Variants in MYH11 observed in about 807,000 individuals in gnomAD.
The protein encoded by MYH11 is myosin heavy chain 11.
MYH11 carries 80 observed loss-of-function variants against 246.6 expected under a neutral mutation model. That is an observed-to-expected ratio of 0.32 (90% CI 0.27 to 0.39). The LOEUF is 0.39. MYH11 is among the 10% of genes least tolerant of loss of function. The probability of loss-of-function intolerance (pLI) is 1.00; values close to 1 mark genes in which losing one functional copy is unlikely to be tolerated. For synonymous variants in MYH11, 1,071 were observed against 1,015.5 expected, an observed-to-expected ratio of 1.05 and a Z score of -1.04; for missense variants, 2,158 against 2,546.8, an observed-to-expected ratio of 0.85 and a Z score of 3.29.
chr16:15,757,706 T>A, intron 13 of MYH11, 121 bp downstream of exon 13: 1 of 1,250,398 alleles, frequency 8.0e-7, no homozygotes, highest in Non-Finnish European at 1.1e-6. Context: ...CAGGACTGGG[T>A]GATGGATTGG....
At chr16:15,721,779 T>C in intron 31 of MYH11, 145 bp from the exon 32 acceptor site, 1 of 783,498 alleles carries the variant, frequency 1.3e-6, no homozygotes, top group Non-Finnish European at 2.1e-6. Context: ...GAGTAATTTA[T>C]ATAATCATCT....
Position 15,751,648 on chromosome 16 carries a change from CTG to C in MYH11, c.1865-1319_1865-1318del, listed in dbSNP as rs528274203. Among the ~76,000 whole-genome samples, 213 of 139,374 alleles carry C rather than the reference CTG, an allele frequency of 1.5e-3. 2 individuals are homozygous for C. The highest frequency in any genetic ancestry group is 5.7e-3 in the African/African-American group (208 of 36,574). The allele number at this position is 139,374 out of a possible 152,430, so 91.4% of individuals were successfully genotyped here. On this transcript the variant is annotated intron_variant, in intron 15 of 40. Coordinates refer to ENST00000300036, the MANE Select transcript of MYH11 (RefSeq NM_002474.3). ...TTTTTTTTTGAGACAAGCTCTCACT[CTG>C]TCGCCCAGCTGGAGAGCAGTGGCAC...
In MYH11 at chr16:15,788,095, T is replaced by TTTTTTTTTTTA. The variant is rs11273419; in HGVS notation, c.531-1364_531-1363insTAAAAAAAAAA. On this transcript the variant is annotated intron_variant, in intron 4 of 40. Coordinates refer to ENST00000300036, the MANE Select transcript of MYH11 (RefSeq NM_002474.3). ...GGTAGATCTTTTTTTTTTTTTTTTT[T>TTTTTTTTTTTA]ACCAAGATGGCTTTCGTGCACTAGC... Among the ~76,000 whole-genome samples, 46 of 99,494 alleles carry TTTTTTTTTTTA rather than the reference T, an allele frequency of 4.6e-4. 5 individuals carry two copies. Among genetic ancestry groups the TTTTTTTTTTTA allele is most frequent in the South Asian group, 1.3e-3 (3 of 2,354 alleles). The allele number at this position is 99,494 out of a possible 152,430, so 65.3% of individuals were successfully genotyped here.
At chr16:15,785,442 G>A (rs1477031671) in intron 5 of MYH11, 1 of 151,928 alleles carries the variant, frequency 6.6e-6, no homozygotes, top group East Asian at 1.9e-4. Flanking sequence ...AAACCAACTT[G>A]CCAGAGACAA....
chr16:15,802,460 A>G (rs1416028296), intron 3 of MYH11, among the ~76,000 whole-genome samples: 1 of 152,166 alleles, frequency 6.6e-6, no homozygotes, highest in African/African-American at 2.4e-5. Flanking sequence ...TGACTAACCA[A>G]TTGATTGAGA....
chr16:15,727,816 T>C (rs2040840682), intron 27 of MYH11, among the ~76,000 whole-genome samples: 1 of 151,942 alleles, frequency 6.6e-6, no homozygotes, highest in Non-Finnish European at 1.5e-5. Flanking sequence ...TCTACTAAAA[T>C]AAAACATTAG....
intron 1 of MYH11, among the ~76,000 whole-genome samples, chr16:15,852,107 C>G (rs1442784541): frequency 6.6e-6 from 1 of 152,120 alleles, no homozygotes; most frequent in Non-Finnish European, 1.5e-5. Context: ...ATTAGATTTT[C>G]ACAGAAGCAC....
At chr16:15,742,530 A>T (rs1345235447) in intron 20 of MYH11, among the ~76,000 whole-genome samples, 3 of 152,036 alleles carry the variant, frequency 2.0e-5, no homozygotes, top group African/African-American at 7.2e-5. Flanking sequence ...TGAGCCCAGG[A>T]GTTTGGGACC....
chr16:15,763,853 T>G lies in MYH11; in HGVS notation c.1072A>C (p.Asn358His), dbSNP rs1286077239. 14 of 1,611,708 alleles carry G rather than the reference T, an allele frequency of 8.7e-6. No homozygotes were observed. The highest frequency in any genetic ancestry group is 1.2e-5 in the Non-Finnish European group (14 of 1,178,828). ...KVVSSVLQLG[N>H]IVFKKERNTD... The stretch of plus-strand genomic sequence containing the variant: ...TTTCTTTCCTTCTTGAAGACGATAT[T>G]TCCAAGCTGCAGGACCGATGATACC... Residue 358 changes from asparagine (N) to histidine (H), a missense_variant, in exon 10 of 41, where the codon AAT (asparagine) becomes CAT (histidine). Physicochemically the swap from Asn to His is moderately conservative, Grantham distance 68. Around this residue, in one of 11 missense-constraint regions of MYH11, gnomAD observed 75 missense variants for 70.0 expected, o/e 1.07. Coordinates refer to ENST00000300036, the MANE Select transcript of MYH11 (RefSeq NM_002474.3).
At chr16:15,812,140 G>A (rs780064746) in intron 3 of MYH11, among the ~76,000 whole-genome samples, 4 of 152,132 alleles carry the variant, frequency 2.6e-5, no homozygotes, top group Admixed American at 1.3e-4. Flanking sequence ...GTGGTTGCCC[G>A]GTGTCACCGA....
In MYH11 at chr16:15,718,412, C is replaced by T. The variant is rs1326687858; in HGVS notation, c.5198G>A (p.Arg1733His). ...CAGCTGGGCGATCCGGGCCTCCAGG[C>T]GGCGCTTCTCGTCCTGGAGTGCGTT... Reference protein sequence around the residue: ...GRNALQDEKRRLEARIAQLEE... With the variant: ...GRNALQDEKRHLEARIAQLEE... Residue 1733 changes from arginine (R) to histidine (H), a missense_variant, in exon 37 of 41, where the codon CGC becomes CAC. By Grantham distance (29) the Arg-to-His change is conservative. Transcript: ENST00000300036. 2 of 1,584,322 alleles carry T rather than the reference C, an allele frequency of 1.3e-6. No homozygotes were observed. Among genetic ancestry groups the T allele is most frequent in the East Asian group, 2.3e-5 (1 of 44,238 alleles).
chr16:15,735,443 G>T lies in MYH11; in HGVS notation c.3429C>A (p.Asp1143Glu), dbSNP rs1466172600. The change falls in exon 26 of 41, where the codon GAC (aspartate) becomes GAA (glutamate). Residue 1143 changes from aspartate to glutamate, a missense_variant. This residue lies in a region of MYH11 where 284 missense variants were observed against 315.4 expected (regional missense o/e 0.90). Transcript: ENST00000300036. ...TTAGGGCCTCCAGCTCCTCGCCGAG[G>T]TCTCGCTTCTGCTTTTCAGCCTTGT... ...ARNKAEKQKR[D>E]LGEELEALKT... 1.9e-6 allele frequency: 3 copies of T among 1,614,094 alleles called. No homozygotes were observed. Among genetic ancestry groups the T allele is most frequent in the Non-Finnish European group, 2.5e-6 (3 of 1,180,022 alleles).
At chr16:15,786,102 C>T (rs114615807) in intron 5 of MYH11, 3,976 of 280,294 alleles carry the variant, frequency 0.014, 180 homozygotes, top group African/African-American at 0.083. Flanking sequence ...CCAAAAGGTA[C>T]CTTAACCCCT....
chr16:15,725,870 G>A (rs2040727863), intron 28 of MYH11: 1 of 394,100 alleles, frequency 2.5e-6, no homozygotes. Context: ...ATTGCCCAGA[G>A]TAAGGATCAA....
At chr16:15,707,638 G>A (rs935997065) in intron 40 of MYH11, among the ~76,000 whole-genome samples, 2 of 152,180 alleles carry the variant, frequency 1.3e-5, no homozygotes, top group Non-Finnish European at 2.9e-5. Context: ...CACAAATGAG[G>A]GTTGGTTTGG....
At chr16:15,847,694 A>G (rs146479413) in intron 1 of MYH11, among the ~76,000 whole-genome samples, 1 of 152,320 alleles carries the variant, frequency 6.6e-6, no homozygotes, top group African/African-American at 2.4e-5. Context: ...TTAAAAACAC[A>G]AACAAGATCA....
rs1018934053 is a variant in MYH11, at chr16:15,750,692, A to G, written c.1865-361T>C. Among the ~76,000 whole-genome samples, 6 of 152,066 alleles carry G rather than the reference A, an allele frequency of 3.9e-5. No homozygotes were observed. The highest frequency in any genetic ancestry group is 1.4e-4 in the African/African-American group (6 of 41,408). Reference sequence around the variant, plus strand: ...TCTAGGGCAGGGGTAAAAAAAAATAAGGCACAGAAGGCACTTATTCCCTGC... The same window carrying G: ...TCTAGGGCAGGGGTAAAAAAAAATAGGGCACAGAAGGCACTTATTCCCTGC... On this transcript the variant is annotated intron_variant, in intron 15 of 40. Coordinates refer to ENST00000300036, the MANE Select transcript of MYH11 (RefSeq NM_002474.3). The surrounding 1 kb of genome is among the most constrained non-coding windows in gnomAD (Gnocchi z 4.3).
At chr16:15,731,081 C>T (rs1160145370) in intron 27 of MYH11, among the ~76,000 whole-genome samples, 1 of 152,182 alleles carries the variant, frequency 6.6e-6, no homozygotes, top group Admixed American at 6.5e-5. Context: ...CTTGGCCTCC[C>T]AAAGTGTTAG....
intron 3 of MYH11, among the ~76,000 whole-genome samples, chr16:15,818,790 C>T (rs966546965): frequency 2.6e-5 from 4 of 152,068 alleles, no homozygotes; most frequent in African/African-American, 7.2e-5. Flanking sequence ...CCAGGTCATG[C>T]CAAAATAGAC....
Sources: allele counts gnomAD v4.1 joint callset (sites outside exome capture counted in the v4.1 genomes callset), GRCh38; gene constraint gnomAD v4.1.1; regional missense constraint gnomAD v4.1.1; non-coding constraint Gnocchi (gnomAD v3.1); transcripts MANE v1.5; gene names NCBI Gene and HGNC (gene_info 2026-07-23, HGNC 2026-07-21).